Variants in C3orf49 observed in about 807,000 individuals in gnomAD.
The protein encoded by C3orf49 is chromosome 3 open reading frame 49, also known as putative uncharacterized protein C3orf49.
C3orf49 carries 27 observed loss-of-function variants against 13.3 expected under a neutral mutation model. That is an observed-to-expected ratio of 2.02 (90% CI 1.49 to 2.79). The LOEUF (loss-of-function observed/expected upper bound fraction) is 2.79. Among genes scored for constraint, C3orf49 ranks in the 30% most tolerant of loss-of-function variants. C3orf49 has a pLI of 0.00. For missense variants in C3orf49, 242 were observed against 134.2 expected, an observed-to-expected ratio of 1.80 and a Z score of -3.97; for synonymous variants, 87 against 47.6, an observed-to-expected ratio of 1.83 and a Z score of -3.40.
chr3:63,836,983 A>G (rs1701647709), intron 5 of C3orf49, among the ~76,000 whole-genome samples: 1 of 151,976 alleles, frequency 6.6e-6, no homozygotes, highest in African/African-American at 2.4e-5. Flanking sequence ...TTTAGAACTG[A>G]TACTAAGTTG....
chr3:63,831,107 T>C lies in C3orf49; in HGVS notation c.571-3T>C, dbSNP rs570145245. ...TCTGATGTGTTTTGCATTTTTACCA[T>C]AGGGGCCATATTCACCAAAAAAGAG... On this transcript the variant is annotated splice_polypyrimidine_tract_variant and splice_region_variant and intron_variant, in intron 3 of 6. Coordinates refer to ENST00000295896, the MANE Select transcript of C3orf49 (RefSeq NM_001355236.2). 6.6e-5 allele frequency: 46 copies of C among 697,194 alleles called. No individual in the cohort carries two copies. In the East Asian group the frequency reaches 1.2e-3, roughly 18 times the overall value. 43.2% of individuals were successfully genotyped at this position (697,194 alleles called of 1,614,324 possible). A position where few individuals can be genotyped will look rare whatever the true frequency, so the allele number is the denominator to read the frequency against.
At chr3:63,834,550 C>T (rs1368535747) in intron 5 of C3orf49, among the ~76,000 whole-genome samples, 1 of 151,558 alleles carries the variant, frequency 6.6e-6, no homozygotes, top group African/African-American at 2.4e-5. Flanking sequence ...ATTCCAGCTA[C>T]TAGGGAGGCT....
At chr3:63,797,771 G>C in the C3orf49 span, among the ~76,000 whole-genome samples, 1 of 152,144 alleles carries the variant, frequency 6.6e-6, no homozygotes, top group African/African-American at 2.4e-5. Context: ...GTGAAGATGA[G>C]AAGTCCCACT....
At chr3:63,829,716 T>G (rs1346650380) in intron 3 of C3orf49, among the ~76,000 whole-genome samples, 1 of 152,104 alleles carries the variant, frequency 6.6e-6, no homozygotes, top group Admixed American at 6.6e-5. Context: ...ATCCTGGCAC[T>G]TTGGGAGGCT....
At chr3:63,819,977 C>A (rs532557438) in intron 1 of C3orf49, among the ~76,000 whole-genome samples, 1 of 152,314 alleles carries the variant, frequency 6.6e-6, no homozygotes, top group African/African-American at 2.4e-5. Flanking sequence ...CTTTCTTTCT[C>A]CTATCCCAGC....
intron 5 of C3orf49, among the ~76,000 whole-genome samples, chr3:63,843,729 T>C (rs1055660642): frequency 1.3e-5 from 2 of 152,002 alleles, no homozygotes; most frequent in Non-Finnish European, 2.9e-5. Context: ...TGAAACTCTG[T>C]CTCCACTAAA....
At chr3:63,799,074 A>G in the C3orf49 span, among the ~76,000 whole-genome samples, 1 of 152,136 alleles carries the variant, frequency 6.6e-6, no homozygotes, top group East Asian at 1.9e-4. Flanking sequence ...CAAGGAAGCA[A>G]TTGTGTTATG....
At chr3:63,803,356 G>C in the C3orf49 span, among the ~76,000 whole-genome samples, 1 of 152,204 alleles carries the variant, frequency 6.6e-6, no homozygotes, top group South Asian at 2.1e-4. Context: ...ATGCGCAGAT[G>C]TGGGTCTTGA....
At chr3:63,804,475 C>T in the C3orf49 span, among the ~76,000 whole-genome samples, 1 of 152,142 alleles carries the variant, frequency 6.6e-6, no homozygotes, top group African/African-American at 2.4e-5. Context: ...CATGCTCCTT[C>T]TTGCTACAGG....
the C3orf49 span, among the ~76,000 whole-genome samples, chr3:63,805,517 A>G: frequency 1.3e-5 from 2 of 152,246 alleles, no homozygotes; most frequent in Admixed American, 1.3e-4. Flanking sequence ...TGGGTCAGAG[A>G]CAAAGGACTT....
intron 2 of C3orf49, among the ~76,000 whole-genome samples, 183 bp downstream of exon 2, chr3:63,823,752 G>A (rs912494050): frequency 5.4e-5 from 8 of 149,354 alleles, no homozygotes; most frequent in African/African-American, 1.7e-4. Context: ...CAGTTGGCTT[G>A]TATGTTCATA....
intron 5 of C3orf49, chr3:63,832,980 G>T (rs1354197750): frequency 6.6e-6 from 1 of 152,060 alleles, no homozygotes; most frequent in Admixed American, 6.6e-5. Flanking sequence ...TAAAATAAAT[G>T]GATAAGGATG....
chr3:63,823,764 C>G (rs943924382), intron 2 of C3orf49, among the ~76,000 whole-genome samples, 195 bp downstream of exon 2: 3 of 128,672 alleles, frequency 2.3e-5, no homozygotes, highest in African/African-American at 9.0e-5. Flanking sequence ...ATGTTCATAC[C>G]GTTGTGTGTG....
Position 63,840,906 on chromosome 3 carries a change from A to C in C3orf49, c.850-4117A>C, listed in dbSNP as rs1324187775. ...CAAATAAAATTAAAAACACACTACCATTCTGACCCCATAATTCCAATTCTA... is the reference window on the plus strand; with the variant it reads ...CAAATAAAATTAAAAACACACTACCCTTCTGACCCCATAATTCCAATTCTA... On this transcript the variant is annotated intron_variant, in intron 5 of 6. Transcript: ENST00000295896. Among the ~76,000 whole-genome samples, 3 of 152,236 alleles carry C rather than the reference A, an allele frequency of 2.0e-5. No homozygotes were observed. In the East Asian group the frequency reaches 5.8e-4, roughly 29 times the overall value.
the C3orf49 span, among the ~76,000 whole-genome samples, chr3:63,793,737 C>A: frequency 6.6e-6 from 1 of 152,068 alleles, no homozygotes; most frequent in Non-Finnish European, 1.5e-5. Flanking sequence ...TCTGATATAC[C>A]AAAATATATG....
intron 2 of C3orf49, among the ~76,000 whole-genome samples, chr3:63,826,055 A>G (rs1275964577): frequency 2.0e-5 from 3 of 152,226 alleles, no homozygotes; most frequent in Non-Finnish European, 4.4e-5. Flanking sequence ...ACCAGGCACA[A>G]TTAGGAAATG....
intron 1 of C3orf49, among the ~76,000 whole-genome samples, chr3:63,819,951 A>T (rs1450893996): frequency 6.6e-6 from 1 of 152,208 alleles, no homozygotes; most frequent in Non-Finnish European, 1.5e-5. Flanking sequence ...TCTTCGAAAT[A>T]GGTCCACGAT....
chr3:63,783,525 T>TACACACACACACACAC, the C3orf49 span, among the ~76,000 whole-genome samples: 4 of 132,024 alleles, frequency 3.0e-5, no homozygotes, highest in East Asian at 2.3e-4. Flanking sequence ...TACTAAAAAT[T>TACACACACACACACAC]ACACACACAC....
In C3orf49 at chr3:63,821,856, A is replaced by T. The variant is rs565828372; in HGVS notation, c.126-1394A>T. Among the ~76,000 whole-genome samples, 63 of 152,228 alleles carry T rather than the reference A, an allele frequency of 4.1e-4. 1 individual carries two copies. The highest frequency in any genetic ancestry group is 1.5e-3 in the African/African-American group (61 of 41,534). ...ATGAGGGATCCTGGTGTTACTGGAA[A>T]TGTTCTGTATTCTGACTGTTTCAGT... On this transcript the variant is annotated intron_variant, in intron 1 of 6. Coordinates refer to ENST00000295896, the MANE Select transcript of C3orf49 (RefSeq NM_001355236.2).
Sources: gnomAD v4.1 joint callset for allele counts (sites outside exome capture counted in the v4.1 genomes callset) on GRCh38, gnomAD v4.1.1 for gene constraint, MANE v1.5 for transcripts, NCBI Gene and HGNC (gene_info 2026-07-23, HGNC 2026-07-21) for gene names.